Variants in RAB6B observed in about 807,000 individuals in gnomAD.
The protein encoded by RAB6B is ras-related protein Rab-6B.
A neutral mutation model predicts 31.2 loss-of-function variants in RAB6B; 7 were observed. That is an observed-to-expected ratio of 0.22 (90% CI 0.13 to 0.42). The LOEUF (loss-of-function observed/expected upper bound fraction) is 0.42, where lower values mean the gene tolerates loss of function less well. RAB6B is among the 10% of genes least tolerant of loss of function. The pLI is 1.00. For missense variants in RAB6B, 149 were observed against 280.6 expected (o/e 0.53, Z 3.35); for synonymous variants, 105 against 104.9 (o/e 1.00, Z -0.01).
intron 3 of RAB6B, 99 bp from the exon 4 acceptor site, chr3:133,841,489 C>T: frequency 6.6e-7 from 1 of 1,526,092 alleles, no homozygotes; most frequent in South Asian, 1.1e-5. Context: ...GCAATGCTGG[C>T]ATCACCAGCT....
intron 2 of RAB6B, among the ~76,000 whole-genome samples, chr3:133,852,827 T>C (rs1434591869): frequency 6.6e-6 from 1 of 152,160 alleles, no homozygotes; most frequent in African/African-American, 2.4e-5. Flanking sequence ...CTGCGTGACC[T>C]TGTTCAAGTG....
intron 1 of RAB6B, among the ~76,000 whole-genome samples, chr3:133,892,166 G>A (rs762730982): frequency 6.6e-6 from 1 of 152,196 alleles, no homozygotes; most frequent in East Asian, 1.9e-4. Context: ...ACTGACATAT[G>A]TCACCCTCCC....
chr3:133,873,179 G>A (rs897330993), intron 1 of RAB6B, among the ~76,000 whole-genome samples: 3 of 152,214 alleles, frequency 2.0e-5, no homozygotes, highest in Non-Finnish European at 2.9e-5. Flanking sequence ...ATGGACAAGA[G>A]CAGAAAAAGG....
chr3:133,868,998 G>T (rs1047256196), intron 1 of RAB6B, among the ~76,000 whole-genome samples: 3 of 152,166 alleles, frequency 2.0e-5, no homozygotes, highest in African/African-American at 7.2e-5. Flanking sequence ...TTATGTAAAG[G>T]TCTGACAGTA....
intron 7 of RAB6B, among the ~76,000 whole-genome samples, chr3:133,831,465 A>G (rs1011714383): frequency 2.0e-4 from 31 of 152,242 alleles, no homozygotes; most frequent in African/African-American, 7.2e-4. Flanking sequence ...ACTGAATTTT[A>G]ACTAATTTAA....
intron 2 of RAB6B, among the ~76,000 whole-genome samples, chr3:133,863,296 T>A (rs947688122): frequency 4.8e-4 from 73 of 151,464 alleles, no homozygotes; most frequent in African/African-American, 1.7e-3. Context: ...AAAGAAAGAG[T>A]AAAAATGAGA....
At chr3:133,862,477 G>A (rs970292380) in intron 2 of RAB6B, among the ~76,000 whole-genome samples, 24 of 152,186 alleles carry the variant, frequency 1.6e-4, no homozygotes, top group African/African-American at 5.8e-4. Context: ...GTCACGGAGG[G>A]GACAGAGGAT....
intron 2 of RAB6B, among the ~76,000 whole-genome samples, chr3:133,842,676 C>T (rs1241817914): frequency 6.6e-6 from 1 of 152,118 alleles, no homozygotes; most frequent in Non-Finnish European, 1.5e-5. Flanking sequence ...GGCGAGTGAT[C>T]CCAATTAGAT....
chr3:133,831,875 A>G (rs981933074), intron 7 of RAB6B, among the ~76,000 whole-genome samples: 18 of 152,082 alleles, frequency 1.2e-4, no homozygotes, highest in African/African-American at 3.4e-4. Flanking sequence ...CTTACCCCCT[A>G]CTGCTGGATA....
chr3:133,872,031 G>C (rs1371124161), intron 1 of RAB6B, among the ~76,000 whole-genome samples: 1 of 152,138 alleles, frequency 6.6e-6, no homozygotes, highest in Non-Finnish European at 1.5e-5. Context: ...ATCTTGGTGG[G>C]CTGCCCACCT....
chr3:133,841,222 G>A (rs1935825087), intron 4 of RAB6B, 63 bp downstream of exon 4: 4 of 1,510,036 alleles, frequency 2.6e-6, no homozygotes, highest in Non-Finnish European at 2.8e-6. Context: ...GCCTGGCCAG[G>A]GTCACACCTG....
chr3:133,871,772 T>C (rs928206542), intron 1 of RAB6B, among the ~76,000 whole-genome samples: 2 of 152,234 alleles, frequency 1.3e-5, no homozygotes, highest in African/African-American at 4.8e-5. Context: ...TGCCAGGACC[T>C]GGCAGAAGGT....
At chr3:133,857,776 T>C (rs997761980) in intron 2 of RAB6B, among the ~76,000 whole-genome samples, 1 of 152,212 alleles carries the variant, frequency 6.6e-6, no homozygotes, top group Non-Finnish European at 1.5e-5. Flanking sequence ...TTGATGGCAC[T>C]GATATTCTTC....
chr3:133,861,552 G>A (rs1263140989), intron 2 of RAB6B, among the ~76,000 whole-genome samples: 2 of 152,160 alleles, frequency 1.3e-5, no homozygotes, highest in South Asian at 4.1e-4. Context: ...GTTTTAGACC[G>A]AGAAAGAACT....
chr3:133,834,718 C>G, intron 6 of RAB6B, 77 bp from the exon 7 acceptor site: 2 of 1,314,932 alleles, frequency 1.5e-6, no homozygotes, highest in Non-Finnish European at 2.2e-6. Context: ...TGCACCCTCA[C>G]CCCTCTTCCC....
At chr3:133,832,563 C>T (rs1033968722) in intron 7 of RAB6B, among the ~76,000 whole-genome samples, 1 of 152,228 alleles carries the variant, frequency 6.6e-6, no homozygotes, top group African/African-American at 2.4e-5. Context: ...CACACACCTT[C>T]AAAACACCTG....
intron 2 of RAB6B, among the ~76,000 whole-genome samples, chr3:133,850,564 G>A (rs1935969536): frequency 6.6e-6 from 1 of 151,926 alleles, no homozygotes; most frequent in Admixed American, 6.6e-5. Context: ...GATTCAAAAA[G>A]AGAAATGAAA....
At chr3:133,860,947 G>A (rs1455665209) in intron 2 of RAB6B, among the ~76,000 whole-genome samples, 1 of 152,192 alleles carries the variant, frequency 6.6e-6, no homozygotes, top group East Asian at 1.9e-4. Flanking sequence ...CTCGCAAAAG[G>A]TGATGCTAAC....
chr3:133,832,129 C>T (rs571242317), intron 7 of RAB6B, among the ~76,000 whole-genome samples: 1 of 152,292 alleles, frequency 6.6e-6, no homozygotes, highest in East Asian at 1.9e-4. Context: ...ACTGCTCTTT[C>T]TTTGCGTAAG....
Sources: allele counts gnomAD v4.1 joint callset (sites outside exome capture counted in the v4.1 genomes callset), GRCh38; gene constraint gnomAD v4.1.1; transcripts MANE v1.5; gene names NCBI Gene and HGNC (gene_info 2026-07-23, HGNC 2026-07-21).